The following ADAMTS16 variants were observed in gnomAD, a reference collection of about 807,000 sequenced individuals.
ADAMTS16 encodes the protein A disintegrin and metalloproteinase with thrombospondin motifs 16.
Under a neutral mutation model 145.8 loss-of-function variants are expected in ADAMTS16, and 94 were observed. That is an observed-to-expected ratio of 0.64 (90% confidence interval 0.55 to 0.77). The LOEUF (loss-of-function observed/expected upper bound fraction) is 0.77, where lower values mean the gene tolerates loss of function less well. Ranked by LOEUF, ADAMTS16 falls within the 30% of genes least tolerant of loss-of-function variation. The pLI, the probability that ADAMTS16 is intolerant of heterozygous loss-of-function variation, is 0.00. For synonymous variants in ADAMTS16, 659 were observed against 604.3 expected, an observed-to-expected ratio of 1.09 and a Z score of -1.33; for missense variants, 1,585 against 1,591.5, an observed-to-expected ratio of 1.00 and a Z score of 0.07.
intron 21 of ADAMTS16, among the ~76,000 whole-genome samples, chr5:5,313,278 G>A (rs758777877): frequency 2.6e-5 from 4 of 152,218 alleles, no homozygotes; most frequent in Non-Finnish European, 4.4e-5. Context: ...AGACGGTAAT[G>A]AATGGCCCGG....
intron 3 of ADAMTS16, among the ~76,000 whole-genome samples, chr5:5,152,812 C>G (rs1366877853): frequency 2.6e-5 from 4 of 152,204 alleles, no homozygotes; most frequent in Non-Finnish European, 5.9e-5. Flanking sequence ...ATGGTTGAAG[C>G]CTGTGTGTGT....
intron 18 of ADAMTS16, among the ~76,000 whole-genome samples, chr5:5,290,490 A>G (rs543624535): frequency 6.6e-6 from 1 of 152,260 alleles, no homozygotes; most frequent in Non-Finnish European, 1.5e-5. Context: ...CCCTGTCTCT[A>G]CTAAAAATAC....
chr5:5,253,039 C>T (rs1228689159), intron 17 of ADAMTS16, among the ~76,000 whole-genome samples: 1 of 152,202 alleles, frequency 6.6e-6, no homozygotes, highest in African/African-American at 2.4e-5. Flanking sequence ...TGTGCTCATG[C>T]CTCCATAATC....
In ADAMTS16 at chr5:5,182,072, A is replaced by G. The variant is rs1350750083; in HGVS notation, c.530A>G (p.Asp177Gly). The G allele has an allele frequency of 3.1e-6, 5 of 1,612,940 alleles. No individual in the cohort carries two copies. Among genetic ancestry groups the G allele is most frequent in the Non-Finnish European group, 4.2e-6 (5 of 1,179,672 alleles). The change falls in exon 4 of 23, where the codon GAT (aspartate) becomes GGT (glycine). Residue 177 changes from aspartate (D) to glycine (G), a missense_variant. Physicochemically the swap from Asp to Gly is moderately conservative, Grantham distance 94. Around this residue, in one of 3 missense-constraint regions of ADAMTS16, gnomAD observed 453 missense variants for 412.1 expected, o/e 1.10. Transcript: ENST00000274181. ...GGCATGATACGAACAGAAGAGGCAG[A>G]TTACTTCCTAAGGCCACTTCCTTCA... is the stretch of plus-strand genomic sequence containing the variant. ...LSGMIRTEEA[D>G]YFLRPLPSHL...
intron 10 of ADAMTS16, among the ~76,000 whole-genome samples, chr5:5,217,212 A>G (rs1175371254): frequency 3.3e-5 from 5 of 152,018 alleles, no homozygotes; most frequent in Admixed American, 1.3e-4. Context: ...AAGATGGATT[A>G]AAGACTTAAA....
At chr5:5,186,301 GGTGTGTGT>G (rs1553989063) in intron 5 of ADAMTS16, 50 bp downstream of exon 5, 20 of 987,352 alleles carry the variant, frequency 2.0e-5, no homozygotes, top group Non-Finnish European at 2.7e-5. Flanking sequence ...CACTTCGTAG[GGTGTGTGT>G]GTGTGTGTGT....
chr5:5,192,826 GTATCGT>G, intron 8 of ADAMTS16, among the ~76,000 whole-genome samples: 1 of 152,278 alleles, frequency 6.6e-6, no homozygotes, highest in East Asian at 1.9e-4. Flanking sequence ...TTACCTTGAA[GTATCGT>G]CTGTTAAATA....
chr5:5,319,103 C>T lies in ADAMTS16; in HGVS notation c.3640C>T (p.Gln1214Ter), dbSNP rs1167382453. 2.5e-6 allele frequency: 4 copies of T among 1,612,896 alleles called. No individual in the cohort carries two copies. Among genetic ancestry groups the T allele is most frequent in the African/African-American group, 1.3e-5 (1 of 75,058 alleles). Residue 1214 changes from glutamine to a stop codon, truncating the protein, a stop_gained, in exon 23 of 23, where the codon CAG becomes TAG. Coordinates refer to ENST00000274181, the MANE Select transcript of ADAMTS16 (RefSeq NM_139056.4). LOFTEE classifies it high-confidence loss of function. ...GMCSHKFYGK[Q>*]CCKTCSKSNL is the part of the protein sequence containing the mutation. ...GTGCAGCCACAAGTTCTACGGCAAGCAGTGCTGCAAGACTTGCTCTAAGTC... is the reference window on the plus strand; with the variant it reads ...GTGCAGCCACAAGTTCTACGGCAAGTAGTGCTGCAAGACTTGCTCTAAGTC...
intron 17 of ADAMTS16, among the ~76,000 whole-genome samples, chr5:5,250,790 T>C (rs1262933936): frequency 6.6e-6 from 1 of 151,772 alleles, no homozygotes; most frequent in Non-Finnish European, 1.5e-5. Flanking sequence ...GCTTCTAAGG[T>C]CTCTCCAGTT....
At chr5:5,207,706 C>G (rs909400653) in intron 9 of ADAMTS16, among the ~76,000 whole-genome samples, 1 of 124,610 alleles carries the variant, frequency 8.0e-6, no homozygotes, top group Non-Finnish European at 1.8e-5. Flanking sequence ...TCCTAGTTTG[C>G]TGGGATTTTT....
At position 5,241,593 on chromosome 5, in the gene ADAMTS16, G is replaced by T. The variant is rs77022859; in HGVS notation, c.2524-460G>T. On this transcript the variant is annotated intron_variant, in intron 16 of 22. Transcript: ENST00000274181. The stretch of plus-strand genomic sequence containing the variant: ...CTTTGTAGGTATCTCTTTCTGATTT[G>T]CTCAGATGCAGGGATTTGCAGGGGA... Among the ~76,000 whole-genome samples, 893 of 152,272 alleles carry T rather than the reference G, an allele frequency of 5.9e-3. 10 individuals carry two copies. Among genetic ancestry groups the T allele is most frequent in the African/African-American group, 0.02 (847 of 41,548 alleles).
rs1042220271 is a variant in ADAMTS16, at chr5:5,174,746, T to G, written c.502-7298T>G. ...TGCTATTAAGATTCTGATGCATTCT[T>G]CAGTTTGTAAAATGCATTTTCAACT... On this transcript the variant is annotated intron_variant, in intron 3 of 22. Transcript: ENST00000274181. Among the ~76,000 whole-genome samples, 28 of 152,222 alleles carry G rather than the reference T, an allele frequency of 1.8e-4. 1 individual carries two copies. The highest frequency in any genetic ancestry group is 6.8e-4 in the African/African-American group (28 of 41,452).
chr5:5,196,583 AT>A (rs914269326), intron 8 of ADAMTS16, among the ~76,000 whole-genome samples: 2 of 152,252 alleles, frequency 1.3e-5, no homozygotes, highest in East Asian at 3.9e-4. Context: ...TCCTCTTAGG[AT>A]TTCTTGTCTG....
intron 12 of ADAMTS16, 105 bp downstream of exon 12, chr5:5,232,621 T>G: frequency 1.2e-6 from 1 of 823,994 alleles, no homozygotes; most frequent in East Asian, 3.1e-5. Context: ...TTTTTTTTTT[T>G]GAGATGGAGT....
chr5:5,149,785 T>C (rs899898062), intron 3 of ADAMTS16, among the ~76,000 whole-genome samples: 6 of 152,232 alleles, frequency 3.9e-5, no homozygotes, highest in African/African-American at 1.4e-4. Context: ...CCATTGATTA[T>C]AAACAGAAGC....
At chr5:5,316,620 C>T (rs185116796) in intron 21 of ADAMTS16, among the ~76,000 whole-genome samples, 1 of 152,254 alleles carries the variant, frequency 6.6e-6, no homozygotes, top group African/African-American at 2.4e-5. Flanking sequence ...TCTAACTGAG[C>T]TCACTCCCTT....
intron 17 of ADAMTS16, among the ~76,000 whole-genome samples, chr5:5,256,845 T>C (rs1737799366): frequency 6.6e-6 from 1 of 152,168 alleles, no homozygotes; most frequent in Non-Finnish European, 1.5e-5. Context: ...TAAAAAGCCG[T>C]AAGAGTTTGG....
intron 10 of ADAMTS16, among the ~76,000 whole-genome samples, chr5:5,221,041 A>G (rs954731629): frequency 4.6e-5 from 7 of 152,066 alleles, no homozygotes; most frequent in African/African-American, 1.7e-4. Flanking sequence ...GGGGCTGCTC[A>G]ATCTCTCTCC....
chr5:5,192,434 C>T (rs1357003911), intron 8 of ADAMTS16, among the ~76,000 whole-genome samples: 1 of 152,136 alleles, frequency 6.6e-6, no homozygotes, highest in Non-Finnish European at 1.5e-5. Flanking sequence ...CTGTTACCCT[C>T]GCGTTTGTGT....
Sources: gnomAD v4.1 joint callset for allele counts (sites outside exome capture counted in the v4.1 genomes callset) on GRCh38, gnomAD v4.1.1 for gene constraint, gnomAD v4.1.1 regional missense constraint, MANE v1.5 for transcripts, NCBI Gene and HGNC (gene_info 2026-07-23, HGNC 2026-07-21) for gene names.